The following ADAM12 variants were observed in gnomAD, a reference collection of about 807,000 sequenced individuals.
ADAM12 encodes the protein disintegrin and metalloproteinase domain-containing protein 12.
In ADAM12, 70 loss-of-function variants were observed where a neutral mutation model predicts 106.4. That is an observed-to-expected ratio of 0.66 (90% confidence interval 0.54 to 0.80). The LOEUF is 0.80. Ranked by LOEUF, ADAM12 falls within the 30% of genes least tolerant of loss-of-function variation. The pLI is 0.00. For missense variants in ADAM12, 1,010 were observed against 1,171.9 expected (o/e 0.86, Z 2.02); for synonymous variants, 420 against 433.5 (o/e 0.97, Z 0.39).
At chr10:126,114,313 G>A (rs1227814090) in intron 6 of ADAM12, among the ~76,000 whole-genome samples, 3 of 152,098 alleles carry the variant, frequency 2.0e-5, no homozygotes, top group South Asian at 2.1e-4. Context: ...CCTTAAAAAC[G>A]AATGGCACAA....
At chr10:126,183,792 T>C (rs1258480364) in intron 3 of ADAM12, among the ~76,000 whole-genome samples, 5 of 152,250 alleles carry the variant, frequency 3.3e-5, no homozygotes, top group Admixed American at 1.3e-4. Flanking sequence ...CACTGATATG[T>C]CATGAATGGA....
Position 126,094,021 on chromosome 10 carries a change from A to G in ADAM12, c.1109T>C (p.Val370Ala). 1.9e-6 allele frequency: 3 copies of G among 1,613,976 alleles called. No homozygotes were observed. The highest frequency in any genetic ancestry group is 2.5e-6 in the Non-Finnish European group (3 of 1,180,006). ...GTTCATGATGCAGCCTCCTTTCTCAACCGCCATTTGACAGCTACAGCCCCT... is the reference window on the plus strand; with the variant it reads ...GTTCATGATGCAGCCTCCTTTCTCAGCCGCCATTTGACAGCTACAGCCCCT... ...LDRGCSCQMA[V>A]EKGGCIMNAS... The change falls in exon 11 of 23, where the codon GTT (valine) becomes GCT (alanine). Residue 370 changes from valine (V) to alanine (A), a missense_variant. Transcript: ENST00000448723.
intron 5 of ADAM12, among the ~76,000 whole-genome samples, chr10:126,126,232 C>T (rs557870299): frequency 2.6e-5 from 4 of 152,170 alleles, no homozygotes; most frequent in African/African-American, 7.2e-5. Context: ...TTCAGGGTCA[C>T]GCACAGCACT....
intron 6 of ADAM12, among the ~76,000 whole-genome samples, chr10:126,111,396 A>C (rs1955865281): frequency 6.6e-6 from 1 of 152,254 alleles, no homozygotes; most frequent in Non-Finnish European, 1.5e-5. Flanking sequence ...GAAAGTGTGA[A>C]GATCTTGCCC....
Position 126,084,173 on chromosome 10 carries a change from T to C in ADAM12, c.1145+9812A>G, listed in dbSNP as rs578200199. 2.0e-5 allele frequency among the ~76,000 whole-genome samples: 3 copies of C among 152,328 alleles called. No individual in the cohort carries two copies. In the South Asian group the frequency reaches 6.2e-4, roughly 32 times the overall value. On this transcript the variant is annotated intron_variant, in intron 11 of 22. Transcript: ENST00000448723. Reference sequence around the variant, plus strand: ...TAAGTGCAAATATAATTTCCCAGAATTTTTAATAAAGTCACCAACTGAGCT... The same window carrying C: ...TAAGTGCAAATATAATTTCCCAGAACTTTTAATAAAGTCACCAACTGAGCT...
At chr10:126,022,324 C>T (rs1953783776) in intron 21 of ADAM12, among the ~76,000 whole-genome samples, 1 of 152,168 alleles carries the variant, frequency 6.6e-6, no homozygotes, top group East Asian at 1.9e-4. Flanking sequence ...AAGGGTCTGA[C>T]CTCCAACCTG....
intron 3 of ADAM12, among the ~76,000 whole-genome samples, chr10:126,257,369 G>T (rs1958913531): frequency 6.6e-6 from 1 of 152,154 alleles, no homozygotes; most frequent in Admixed American, 6.5e-5. Context: ...GTATTGAGAT[G>T]GCCTCTTCGC....
intron 3 of ADAM12, among the ~76,000 whole-genome samples, chr10:126,203,154 C>G (rs936018102): frequency 4.6e-5 from 7 of 152,128 alleles, no homozygotes; most frequent in Admixed American, 1.3e-4. Flanking sequence ...CACAAAAAAC[C>G]TTTATTTCTA....
intron 2 of ADAM12, among the ~76,000 whole-genome samples, chr10:126,299,633 C>G (rs79222073): frequency 2.0e-5 from 3 of 152,022 alleles, no homozygotes; most frequent in Non-Finnish European, 4.4e-5. Flanking sequence ...TATTTTATTG[C>G]TATTACCATT....
At chr10:126,172,797 C>T (rs1040755999) in intron 3 of ADAM12, among the ~76,000 whole-genome samples, 1 of 152,188 alleles carries the variant, frequency 6.6e-6, no homozygotes, top group Non-Finnish European at 1.5e-5. Context: ...ACTATAAAGA[C>T]ACATGCACAC....
chr10:126,237,759 A>C (rs1164779801), intron 3 of ADAM12, among the ~76,000 whole-genome samples: 1 of 152,210 alleles, frequency 6.6e-6, no homozygotes, highest in Non-Finnish European at 1.5e-5. Context: ...ATGATGGCCC[A>C]GGTTAAGCAC....
chr10:126,170,291 C>A (rs552002152), intron 3 of ADAM12, among the ~76,000 whole-genome samples: 2 of 152,130 alleles, frequency 1.3e-5, no homozygotes, highest in African/African-American at 4.8e-5. Context: ...GAGACAGACA[C>A]CAGCAGGGAT....
chr10:126,345,235 G>C (rs1421319630), intron 1 of ADAM12, among the ~76,000 whole-genome samples: 2 of 152,092 alleles, frequency 1.3e-5, no homozygotes, highest in Non-Finnish European at 2.9e-5. Context: ...TAGCATGAAG[G>C]GCTGTTGAAT....
At chr10:126,086,680 A>AAAAAAAAAAAAAATATATATATATATAT (rs1554966976) in intron 11 of ADAM12, among the ~76,000 whole-genome samples, 1 of 24,274 alleles carries the variant, frequency 4.1e-5, no homozygotes, top group African/African-American at 3.2e-4. Context: ...AAAAAAAAAA[A>AAAAAAAAAAAAAATATATATATATATAT]ATATATATAT....
chr10:126,111,118 T>C (rs572035918), intron 6 of ADAM12, among the ~76,000 whole-genome samples: 153 of 152,230 alleles, frequency 1.0e-3, no homozygotes, highest in Non-Finnish European at 1.9e-3. Flanking sequence ...GTTTGTATTA[T>C]AGCAGTGTTC....
At chr10:126,032,744 T>A (rs1953992877) in intron 21 of ADAM12, among the ~76,000 whole-genome samples, 2 of 152,176 alleles carry the variant, frequency 1.3e-5, no homozygotes, top group Non-Finnish European at 2.9e-5. Flanking sequence ...ATAGCTTTTG[T>A]CAGATTCTCA....
chr10:126,122,472 C>G (rs1269650854), intron 5 of ADAM12, among the ~76,000 whole-genome samples: 2 of 152,038 alleles, frequency 1.3e-5, no homozygotes, highest in Non-Finnish European at 2.9e-5. Context: ...AAAAAATAGG[C>G]AAAGGGAGGC....
At chr10:126,194,670 G>C (rs1459348794) in intron 3 of ADAM12, among the ~76,000 whole-genome samples, 1 of 152,218 alleles carries the variant, frequency 6.6e-6, no homozygotes, top group African/African-American at 2.4e-5. Flanking sequence ...CTCAATTGAA[G>C]GATATTAATT....
intron 20 of ADAM12, 30 bp downstream of exon 20, chr10:126,038,211 C>T: frequency 6.4e-7 from 1 of 1,563,518 alleles, no homozygotes; most frequent in Non-Finnish European, 8.7e-7. Context: ...GCATGTGTGC[C>T]CTGAGCACTC....
Sources: allele counts gnomAD v4.1 joint callset (sites outside exome capture counted in the v4.1 genomes callset), GRCh38; gene constraint gnomAD v4.1.1; transcripts MANE v1.5; gene names NCBI Gene and HGNC (gene_info 2026-07-23, HGNC 2026-07-21).